The following SNX29 variants were observed in gnomAD, a reference collection of about 807,000 sequenced individuals.
The protein encoded by SNX29 is sorting nexin-29.
A neutral mutation model predicts 102.1 loss-of-function variants in SNX29; 78 were observed. The ratio of observed to expected loss-of-function variants is 0.76; its 90% confidence interval spans 0.64 to 0.92. The LOEUF is 0.92. Among genes scored for constraint, SNX29 ranks in the 40% least tolerant of loss-of-function variants. SNX29 has a pLI of 0.00. For synonymous variants in SNX29, 580 were observed against 414.5 expected (o/e 1.40, Z -4.85); for missense variants, 1,280 against 1,061.7 (o/e 1.21, Z -2.86).
Position 12,470,889 on chromosome 16 carries a change from G to T in SNX29, c.2038-6830G>T, listed in dbSNP as rs144497558. Among the ~76,000 whole-genome samples, 325 of 152,308 alleles carry T rather than the reference G, an allele frequency of 2.1e-3. 2 individuals are homozygous for T. Among genetic ancestry groups the T allele is most frequent in the African/African-American group, 7.7e-3 (320 of 41,570 alleles). On this transcript the variant is annotated intron_variant, in intron 18 of 20. Coordinates refer to ENST00000566228, the MANE Select transcript of SNX29 (RefSeq NM_032167.5). ...TGCTTATTGCCTGCCAGGCATGGGCGAGGCACGACACCTCACAACCACCCA... is the reference window on the plus strand; with the variant it reads ...TGCTTATTGCCTGCCAGGCATGGGCTAGGCACGACACCTCACAACCACCCA...
At chr16:12,019,219 T>G (rs2056941189) in intron 3 of SNX29, among the ~76,000 whole-genome samples, 1 of 152,130 alleles carries the variant, frequency 6.6e-6, no homozygotes, top group African/African-American at 2.4e-5. Context: ...ATGCTTTTTG[T>G]TTTTTTGCGA....
chr16:12,355,311 T>G (rs561577518), intron 15 of SNX29, among the ~76,000 whole-genome samples: 6 of 152,200 alleles, frequency 3.9e-5, no homozygotes, highest in African/African-American at 1.4e-4. Context: ...ACAGAGCTTC[T>G]CCCTGTATCC....
intron 5 of SNX29, among the ~76,000 whole-genome samples, chr16:12,044,853 T>A (rs1596679651): frequency 1.3e-5 from 2 of 152,352 alleles, no homozygotes; most frequent in South Asian, 4.1e-4. Flanking sequence ...CGTGCTGGGA[T>A]TACAGGCGTG....
intron 8 of SNX29, 85 bp from the exon 9 acceptor site, chr16:12,061,443 A>G (rs978253488): frequency 1.7e-6 from 2 of 1,144,616 alleles, no homozygotes; most frequent in Non-Finnish European, 2.5e-6. Context: ...GTTAGTTCTC[A>G]GGAGGGTGCT....
intron 14 of SNX29, among the ~76,000 whole-genome samples, chr16:12,272,155 C>T (rs1024135932): frequency 2.0e-5 from 3 of 152,126 alleles, no homozygotes; most frequent in African/African-American, 7.2e-5. Flanking sequence ...GGTCAAAAAG[C>T]TTATTTCTGC....
chr16:12,043,609 A>G (rs964183113), intron 5 of SNX29, among the ~76,000 whole-genome samples: 5 of 152,018 alleles, frequency 3.3e-5, no homozygotes. Context: ...TTCCCACCTC[A>G]GCCTCCCAAA....
intron 11 of SNX29, among the ~76,000 whole-genome samples, chr16:12,106,597 C>G (rs1031309585): frequency 6.6e-6 from 1 of 151,728 alleles, no homozygotes; most frequent in Non-Finnish European, 1.5e-5. Context: ...CCTCAGCCTC[C>G]TGAGTAGCTG....
At chr16:12,527,826 C>CTTTTTT (rs767257136) in intron 20 of SNX29, among the ~76,000 whole-genome samples, 4 of 138,402 alleles carry the variant, frequency 2.9e-5, no homozygotes, top group Non-Finnish European at 3.1e-5. Context: ...TCTTCTTCTT[C>CTTTTTT]TTTTTTTTTT....
At chr16:12,542,364 C>T (rs57721774) in intron 20 of SNX29, among the ~76,000 whole-genome samples, 8,114 of 152,196 alleles carry the variant, frequency 0.053, 363 homozygotes, top group African/African-American at 0.12. Context: ...AAGTTAGACC[C>T]AAGTTCTATC....
At chr16:12,247,004 C>G (rs571325069) in intron 14 of SNX29, among the ~76,000 whole-genome samples, 1 of 152,260 alleles carries the variant, frequency 6.6e-6, no homozygotes, top group South Asian at 2.1e-4. Flanking sequence ...TGCTAGAACT[C>G]AGAGAGTGAG....
At chr16:12,411,023 A>G (rs750828497) in intron 18 of SNX29, among the ~76,000 whole-genome samples, 1 of 152,194 alleles carries the variant, frequency 6.6e-6, no homozygotes. Context: ...GGAAGAATTC[A>G]TTAAGTAGAG....
intron 14 of SNX29, among the ~76,000 whole-genome samples, chr16:12,275,056 C>G (rs938921916): frequency 2.6e-5 from 4 of 152,124 alleles, no homozygotes; most frequent in South Asian, 2.1e-4. Flanking sequence ...ATCTTAGGTG[C>G]TTTTCTCAAA....
chr16:12,019,750 GCTCAGCC>G (rs1300941784), intron 3 of SNX29, among the ~76,000 whole-genome samples: 2 of 150,034 alleles, frequency 1.3e-5, no homozygotes, highest in African/African-American at 4.9e-5. Context: ...GATTCTCTTG[GCTCAGCC>G]TCCCAAGTAG....
intron 14 of SNX29, among the ~76,000 whole-genome samples, chr16:12,243,737 A>G (rs1490964152): frequency 6.6e-6 from 1 of 152,156 alleles, no homozygotes; most frequent in Non-Finnish European, 1.5e-5. Context: ...TTCTACCCTC[A>G]TGGGGGCCTG....
intron 16 of SNX29, among the ~76,000 whole-genome samples, chr16:12,392,155 A>C (rs1329129641): frequency 6.6e-6 from 1 of 152,146 alleles, no homozygotes; most frequent in Non-Finnish European, 1.5e-5. Flanking sequence ...TTGTCATTTG[A>C]CATTATATCT....
intron 20 of SNX29, among the ~76,000 whole-genome samples, chr16:12,564,157 G>C (rs1257769899): frequency 6.6e-6 from 1 of 152,160 alleles, no homozygotes; most frequent in African/African-American, 2.4e-5. Flanking sequence ...GGAGGCCTGA[G>C]GTAGAGGATT....
chr16:12,554,725 C>T, intron 20 of SNX29, among the ~76,000 whole-genome samples: 1 of 152,290 alleles, frequency 6.6e-6, no homozygotes, highest in Non-Finnish European at 1.5e-5. Context: ...GTCTTTCAGT[C>T]TTTCAGTTTG....
intron 14 of SNX29, among the ~76,000 whole-genome samples, chr16:12,215,837 G>A (rs992507706): frequency 6.6e-6 from 1 of 152,186 alleles, no homozygotes; most frequent in Non-Finnish European, 1.5e-5. Context: ...AAGCAAGGCT[G>A]TACCTTTAAT....
chr16:12,290,091 G>A (rs1442263505), intron 15 of SNX29, among the ~76,000 whole-genome samples: 1 of 152,138 alleles, frequency 6.6e-6, no homozygotes, highest in Non-Finnish European at 1.5e-5. Flanking sequence ...AAACTACTCT[G>A]GGCCCAGTCT....
Sources: allele counts gnomAD v4.1 joint callset (sites outside exome capture counted in the v4.1 genomes callset), GRCh38; gene constraint gnomAD v4.1.1; transcripts MANE v1.5; gene names NCBI Gene and HGNC (gene_info 2026-07-23, HGNC 2026-07-21).